The following CNTN6 variants were observed in gnomAD, a reference collection of about 807,000 sequenced individuals.
The protein encoded by CNTN6 is contactin 6.
A neutral mutation model predicts 122.8 loss-of-function variants in CNTN6; 137 were observed. That is an observed-to-expected ratio of 1.12 (90% CI 0.97 to 1.29). The LOEUF is 1.29. CNTN6 is among the 50% of genes most tolerant of loss of function. The probability of loss-of-function intolerance (pLI) is 0.00; values close to 1 mark genes in which losing one functional copy is unlikely to be tolerated. For synonymous variants in CNTN6, 570 were observed against 426.0 expected (o/e 1.34, Z -4.16); for missense variants, 1,634 against 1,223.4 (o/e 1.34, Z -5.01).
intron 10 of CNTN6, among the ~76,000 whole-genome samples, chr3:1,327,931 A>G (rs1701770041): frequency 1.3e-5 from 2 of 151,860 alleles, no homozygotes; most frequent in Admixed American, 1.3e-4. Flanking sequence ...AATTCACAGT[A>G]ACTAAAAGAA....
chr3:1,102,535 C>A (rs2090963641), intron 1 of CNTN6, among the ~76,000 whole-genome samples: 1 of 151,174 alleles, frequency 6.6e-6, no homozygotes, highest in South Asian at 2.1e-4. Context: ...TCGAGACCAT[C>A]CTGGCTAACA....
rs147805325 is a variant in CNTN6, at chr3:1,383,009, C to A, written c.2234C>A (p.Ser745Ter). ...ATCATCATGTTCCGGCCAGTGGGCT[C>A]GACAACCTGGTCCAAGGAGAAAGTG... ...GYIIMFRPVG[S>*]TTWSKEKVSS... The change falls in exon 18 of 23, where the codon TCG becomes TAG. Residue 745 changes from serine (S) to a stop codon, truncating the protein, a stop_gained. Transcript: ENST00000446702. LOFTEE classifies it high-confidence loss of function. 3 of 1,614,050 alleles carry A rather than the reference C, an allele frequency of 1.9e-6. No homozygotes were observed. Among genetic ancestry groups the A allele is most frequent in the Non-Finnish European group, 2.5e-6 (3 of 1,179,950 alleles).
chr3:1,140,675 G>A (rs940069553), intron 1 of CNTN6, among the ~76,000 whole-genome samples: 1 of 152,034 alleles, frequency 6.6e-6, no homozygotes, highest in Non-Finnish European at 1.5e-5. Context: ...CTTGATGACT[G>A]AGTTAAGTTC....
chr3:1,171,282 A>G (rs1423057396), intron 2 of CNTN6, among the ~76,000 whole-genome samples: 2 of 152,238 alleles, frequency 1.3e-5, no homozygotes, highest in Non-Finnish European at 2.9e-5. Context: ...CAAAAATTTA[A>G]GCAAAGAAAT....
At chr3:1,277,240 C>T (rs541909588) in intron 4 of CNTN6, among the ~76,000 whole-genome samples, 3 of 151,688 alleles carry the variant, frequency 2.0e-5, no homozygotes, top group Non-Finnish European at 4.4e-5. Flanking sequence ...CTGGTCTTCC[C>T]ATTAGATAGT....
chr3:1,287,336 T>G (rs1383062238), intron 5 of CNTN6, among the ~76,000 whole-genome samples: 1 of 152,116 alleles, frequency 6.6e-6, no homozygotes, highest in Middle Eastern at 3.2e-3. Flanking sequence ...CTCCTCCAAT[T>G]GTGGGAAAAT....
chr3:1,264,867 C>T (rs2094902197), intron 4 of CNTN6, among the ~76,000 whole-genome samples: 1 of 152,044 alleles, frequency 6.6e-6, no homozygotes, highest in African/African-American at 2.4e-5. Context: ...ATTTCCTATG[C>T]ACCCCTCTCC....
intron 1 of CNTN6, 101 bp downstream of exon 1, chr3:1,093,221 AACAGG>A (rs1476476121): frequency 2.9e-4 from 54 of 186,156 alleles, no homozygotes; most frequent in African/African-American, 1.2e-3. Context: ...GTATTAGCAT[AACAGG>A]TAAAAGCTGG....
At chr3:1,373,795 A>C (rs1340298975) in intron 15 of CNTN6, 33 bp downstream of exon 15, 2 of 1,543,496 alleles carry the variant, frequency 1.3e-6, no homozygotes, top group Non-Finnish European at 1.7e-6. Flanking sequence ...GTCACTTTAA[A>C]AATAATATTT....
chr3:1,094,811 G>T (rs868302753), intron 1 of CNTN6, among the ~76,000 whole-genome samples: 2 of 151,718 alleles, frequency 1.3e-5, no homozygotes, highest in Middle Eastern at 3.5e-3. Context: ...TAGTAAATTT[G>T]TACCTTTTAA....
intron 2 of CNTN6, among the ~76,000 whole-genome samples, chr3:1,211,334 T>A (rs1379100613): frequency 6.6e-6 from 1 of 152,162 alleles, no homozygotes; most frequent in Non-Finnish European, 1.5e-5. Context: ...GACTTTTAGT[T>A]CTGTGTTCTT....
intron 2 of CNTN6, among the ~76,000 whole-genome samples, chr3:1,199,259 G>A (rs1429446027): frequency 6.8e-6 from 1 of 146,796 alleles, no homozygotes; most frequent in Non-Finnish European, 1.5e-5. Context: ...GCTCTCTGCT[G>A]CCTCAGCCAC....
intron 7 of CNTN6, 53 bp from the exon 8 acceptor site, chr3:1,321,597 T>G (rs1700850167): frequency 1.4e-6 from 2 of 1,435,502 alleles, no homozygotes; most frequent in East Asian, 4.8e-5. Context: ...TCTTTTATTT[T>G]GCTGTCATAA....
chr3:1,367,046 ATTTTG>A (rs2126122739), intron 12 of CNTN6, among the ~76,000 whole-genome samples: 1 of 152,230 alleles, frequency 6.6e-6, no homozygotes, highest in South Asian at 2.1e-4. Context: ...ATGAATAGTA[ATTTTG>A]TTTTATGTAT....
chr3:1,121,276 T>G (rs2091939469), intron 1 of CNTN6, among the ~76,000 whole-genome samples: 1 of 151,052 alleles, frequency 6.6e-6, no homozygotes, highest in Non-Finnish European at 1.5e-5. Context: ...TGATAGGAGC[T>G]TCAGGGAAAA....
chr3:1,340,490 G>A (rs892018100), intron 11 of CNTN6, among the ~76,000 whole-genome samples: 5 of 152,236 alleles, frequency 3.3e-5, no homozygotes, highest in African/African-American at 1.2e-4. Context: ...GATTTTTAAC[G>A]TAACATACAA....
intron 2 of CNTN6, chr3:1,173,244 C>T (rs981193341): frequency 2.2e-6 from 1 of 456,674 alleles, no homozygotes; most frequent in African/African-American, 2.0e-5. Flanking sequence ...AACTGGACTT[C>T]GTCTCTGGCT....
Position 1,401,538 on chromosome 3 carries a change from G to A in CNTN6, c.2810G>A (p.Gly937Glu). ...KTMENESEVL[G>E]YKILYRQNRQ... The stretch of plus-strand genomic sequence containing the variant: ...ATGGAAAATGAGTCTGAAGTTTTGG[G>A]GTACAAGGTGAGTTTTTAGTTTTTC... The change falls in exon 21 of 23, where the codon GGG (glycine) becomes GAG (glutamate). Residue 937 changes from glycine to glutamate, a missense_variant. Gly to Glu is a moderately conservative substitution (Grantham distance 98, BLOSUM62 -2). Coordinates refer to ENST00000446702, the MANE Select transcript of CNTN6 (RefSeq NM_001289080.2). 1.2e-6 allele frequency: 2 copies of A among 1,606,296 alleles called. No individual in the cohort carries two copies. Among genetic ancestry groups the A allele is most frequent in the Non-Finnish European group, 1.7e-6 (2 of 1,175,340 alleles).
chr3:1,275,149 T>C (rs905625336), intron 4 of CNTN6, among the ~76,000 whole-genome samples: 5 of 151,776 alleles, frequency 3.3e-5, no homozygotes, highest in Admixed American at 6.6e-5. Flanking sequence ...TACAAGGACC[T>C]TATTTTATCT....
Sources: allele counts gnomAD v4.1 joint callset (sites outside exome capture counted in the v4.1 genomes callset), GRCh38; gene constraint gnomAD v4.1.1; transcripts MANE v1.5; gene names NCBI Gene and HGNC (gene_info 2026-07-23, HGNC 2026-07-21).